The following NAV3 variants were observed in gnomAD, a reference collection of about 807,000 sequenced individuals.
NAV3 encodes the protein pore membrane and/or filament interacting like protein 1.
In NAV3, 87 loss-of-function variants were observed where a neutral mutation model predicts 244.7. That is an observed-to-expected ratio of 0.36 (90% confidence interval 0.30 to 0.42). NAV3 has a LOEUF of 0.42. Among genes scored for constraint, NAV3 ranks in the 20% least tolerant of loss-of-function variants. The probability of loss-of-function intolerance (pLI) is 1.00; values close to 1 mark genes in which losing one functional copy is unlikely to be tolerated. For missense variants in NAV3, 2,663 were observed against 2,893.3 expected, an observed-to-expected ratio of 0.92 and a Z score of 1.83; for synonymous variants, 1,126 against 1,042.2, an observed-to-expected ratio of 1.08 and a Z score of -1.55.
intron 2 of NAV3, among the ~76,000 whole-genome samples, chr12:77,639,196 T>A (rs11106082): frequency 0.15 from 22,710 of 151,920 alleles, 2,166 homozygotes; most frequent in Admixed American, 0.22. Flanking sequence ...TTTAAAAAAA[T>A]TTTTTTTATC....
At chr12:78,026,391 T>G (rs1374390206) in intron 9 of NAV3, among the ~76,000 whole-genome samples, 1 of 152,226 alleles carries the variant, frequency 6.6e-6, no homozygotes, top group East Asian at 1.9e-4. Flanking sequence ...TTCTCCATTT[T>G]GATTAATAAG....
rs1369502908 is a variant in NAV3, at chr12:78,211,970, T to C, written c.*1453T>C. The C allele has an allele frequency of 6.6e-6, 1 of 152,566 alleles. No individual in the cohort carries two copies. Among genetic ancestry groups the C allele is most frequent in the African/African-American group, 2.4e-5 (1 of 41,428 alleles). The allele number at this position is 152,566 out of a possible 1,614,324, so 9.5% of individuals were successfully genotyped here. A position where few individuals can be genotyped will look rare whatever the true frequency, so the allele number is the denominator to read the frequency against. On this transcript the variant is annotated 3_prime_UTR_variant, in exon 40 of 40. Coordinates refer to ENST00000397909, the MANE Select transcript of NAV3 (RefSeq NM_001024383.2). ...ACAAAATTGTATTTTATCCTGTTGG[T>C]GTTAAGAGGTGTTTCACTTGCTGAG...
chr12:78,085,459 GAGAT>G (rs2137905636), intron 12 of NAV3, among the ~76,000 whole-genome samples: 1 of 152,232 alleles, frequency 6.6e-6, no homozygotes, highest in East Asian at 1.9e-4. Context: ...AAAAGTCAAT[GAGAT>G]AGATAATGTA....
chr12:77,695,045 T>A (rs535469395), intron 2 of NAV3, among the ~76,000 whole-genome samples: 2 of 152,300 alleles, frequency 1.3e-5, no homozygotes, highest in African/African-American at 4.8e-5. Flanking sequence ...CTCTAAGAAC[T>A]TTATAAGCCA....
rs1336426681 is a variant in NAV3 at position 78,051,092 on chromosome 12, A to G, written c.2461A>G (p.Met821Val). The change falls in exon 11 of 40, where the codon ATG (methionine) becomes GTG (valine). Residue 821 changes from methionine (M) to valine (V), a missense_variant. Met to Val is a conservative substitution (Grantham distance 21). Coordinates refer to ENST00000397909, the MANE Select transcript of NAV3 (RefSeq NM_001024383.2). The part of the protein sequence containing the change: ...MSSEVDVGGY[M>V]SDGDILGKSL... ...TTCTGAGGTCGATGTGGGTGGATAT[A>G]TGAGTGATGGTGATATCCTTGGGAA... 2 of 1,613,894 alleles carry G rather than the reference A, an allele frequency of 1.2e-6. No individual in the cohort carries two copies. The highest frequency in any genetic ancestry group is 1.7e-6 in the Non-Finnish European group (2 of 1,179,952).
rs148609128 is a variant in NAV3 at position 77,760,686 on chromosome 12, T to C, written c.73-179633T>C. ...AGGCTTCGTATGTGACTTTTTTCAG[T>C]GTTGAGTTACAGGGTAGGCTTTAGT... On this transcript the variant is annotated intron_variant, in intron 2 of 8. Coordinates refer to the NAV3 transcript ENST00000550042. Among the ~76,000 whole-genome samples the C allele has an allele frequency of 4.6e-5, 7 of 152,256 alleles. No individual in the cohort carries two copies. In the East Asian group the frequency reaches 1.4e-3, roughly 29 times the overall value.
intron 1 of NAV3, among the ~76,000 whole-genome samples, chr12:77,919,537 C>T (rs942103158): frequency 2.0e-5 from 3 of 152,014 alleles, no homozygotes; most frequent in African/African-American, 4.8e-5. Flanking sequence ...TGGTATTTAT[C>T]TACTTCTTAA....
intron 12 of NAV3, among the ~76,000 whole-genome samples, chr12:78,070,658 A>C (rs931724663): frequency 3.4e-5 from 5 of 149,120 alleles, no homozygotes; most frequent in East Asian, 4.1e-4. Context: ...CCCACTAACT[A>C]GTCATCTAGC....
At chr12:77,610,671 A>G (rs1055833752) in intron 2 of NAV3, among the ~76,000 whole-genome samples, 3 of 152,056 alleles carry the variant, frequency 2.0e-5, no homozygotes, top group Admixed American at 6.6e-5. Flanking sequence ...GACACTCAGA[A>G]TTTCAAAGAA....
At chr12:78,067,771 T>A (rs564759235) in intron 12 of NAV3, among the ~76,000 whole-genome samples, 1 of 152,228 alleles carries the variant, frequency 6.6e-6, no homozygotes, top group East Asian at 1.9e-4. Context: ...ATGCTATTTT[T>A]TCATAAGACT....
intron 2 of NAV3, among the ~76,000 whole-genome samples, chr12:77,762,751 T>C (rs551743220): frequency 1.3e-5 from 2 of 151,934 alleles, no homozygotes; most frequent in African/African-American, 4.8e-5. Flanking sequence ...GTTGTTGTTG[T>C]TGTTGTTAAA....
intron 2 of NAV3, among the ~76,000 whole-genome samples, chr12:77,584,216 A>G (rs1869496639): frequency 6.6e-6 from 1 of 152,172 alleles, no homozygotes; most frequent in Non-Finnish European, 1.5e-5. Context: ...TCATCCTCGT[A>G]TTGATGCCTT....
chr12:78,170,514 T>C, intron 24 of NAV3, among the ~76,000 whole-genome samples: 1 of 151,838 alleles, frequency 6.6e-6, no homozygotes, highest in Non-Finnish European at 1.5e-5. Context: ...GAATAGTCAT[T>C]AAGAAACACA....
At position 78,148,834 on chromosome 12, in the gene NAV3, G is replaced by A. The variant is rs775821087; in HGVS notation, c.4708-8G>A. On this transcript the variant is annotated splice_polypyrimidine_tract_variant and splice_region_variant and intron_variant, in intron 21 of 39. Coordinates refer to ENST00000397909, the MANE Select transcript of NAV3 (RefSeq NM_001024383.2). ...GCCTATTCCATTGATTTTTTTAATT[G>A]CATTCAGCAAATCCATAAACTGCGG... is the stretch of plus-strand genomic sequence containing the variant. 1 of 1,608,270 alleles carries A rather than the reference G, an allele frequency of 6.2e-7. No individual in the cohort carries two copies. The highest frequency in any genetic ancestry group is 8.5e-7 in the Non-Finnish European group (1 of 1,177,268).
intron 2 of NAV3, among the ~76,000 whole-genome samples, chr12:77,764,919 A>C (rs1869662668): frequency 1.3e-5 from 2 of 152,234 alleles, no homozygotes; most frequent in African/African-American, 4.8e-5. Context: ...ATGTAGCTGC[A>C]TGGCAGCCCT....
intron 7 of NAV3, among the ~76,000 whole-genome samples, chr12:78,000,565 G>A (rs1446044828): frequency 7.3e-6 from 1 of 136,622 alleles, no homozygotes; most frequent in Non-Finnish European, 1.5e-5. Context: ...GTGCAGTGGC[G>A]CGATCTCGGC....
rs138150579 is a variant in NAV3 at position 78,177,742 on chromosome 12, T to C, written c.5363+57T>C. 1,546 of 1,488,746 alleles carry C rather than the reference T, an allele frequency of 1.0e-3. 7 individuals carry two copies. The African/African-American group carries it at 0.018, about 17-fold the overall frequency. 92.2% of individuals were successfully genotyped at this position (1,488,746 alleles called of 1,614,324 possible). A position where few individuals can be genotyped will look rare whatever the true frequency, so the allele number is the denominator to read the frequency against. ...AAGATCCAGGTTCTAACCTAAGTAGTGTTTGCTTTTGCTTTTTCTAAAATC... is the reference window on the plus strand; with the variant it reads ...AAGATCCAGGTTCTAACCTAAGTAGCGTTTGCTTTTGCTTTTTCTAAAATC... On this transcript the variant is annotated intron_variant, in intron 28 of 39. Coordinates refer to ENST00000397909, the MANE Select transcript of NAV3 (RefSeq NM_001024383.2).
At chr12:78,036,085 T>C (rs773416968) in intron 9 of NAV3, among the ~76,000 whole-genome samples, 92 of 152,068 alleles carry the variant, frequency 6.0e-4, no homozygotes, top group Non-Finnish European at 1.1e-3. Context: ...CTGAGAGTCA[T>C]TTAAATGTGC....
intron 17 of NAV3, 35 bp from the exon 18 acceptor site, chr12:78,128,671 A>C: frequency 6.3e-7 from 1 of 1,594,352 alleles, no homozygotes; most frequent in Non-Finnish European, 8.6e-7. Context: ...GCCCTTGTAG[A>C]TGTGCTTAAG....
Sources: allele counts gnomAD v4.1 joint callset (sites outside exome capture counted in the v4.1 genomes callset), GRCh38; gene constraint gnomAD v4.1.1; transcripts MANE v1.5; gene names NCBI Gene and HGNC (gene_info 2026-07-23, HGNC 2026-07-21).